The following GALNTL6 variants were observed in gnomAD, a reference collection of about 807,000 sequenced individuals.
GALNTL6 encodes the protein polypeptide N-acetylgalactosaminyltransferase like 6.
A neutral mutation model predicts 73.7 loss-of-function variants in GALNTL6; 46 were observed. That is an observed-to-expected ratio of 0.62 (90% CI 0.49 to 0.80). The LOEUF (loss-of-function observed/expected upper bound fraction) is 0.80, where lower values mean the gene tolerates loss of function less well. Ranked by LOEUF, GALNTL6 falls within the 30% of genes least tolerant of loss-of-function variation. The pLI is 0.00. For missense variants in GALNTL6, 604 were observed against 755.0 expected, an observed-to-expected ratio of 0.80 and a Z score of 2.34; for synonymous variants, 259 against 263.7, an observed-to-expected ratio of 0.98 and a Z score of 0.17.
chr4:171,955,147 T>C (rs1449621148), intron 2 of GALNTL6, among the ~76,000 whole-genome samples: 1 of 152,184 alleles, frequency 6.6e-6, no homozygotes, highest in African/African-American at 2.4e-5. Context: ...GGACCTCTTG[T>C]GTAAAAGAAA....
intron 5 of GALNTL6, among the ~76,000 whole-genome samples, chr4:172,369,524 G>T (rs1163157899): frequency 1.3e-5 from 2 of 152,212 alleles, no homozygotes; most frequent in Non-Finnish European, 2.9e-5. Flanking sequence ...GGAGCAGGGG[G>T]TGGCACCCGT....
intron 2 of GALNTL6, among the ~76,000 whole-genome samples, chr4:171,914,027 A>T (rs1401982020): frequency 6.6e-6 from 1 of 152,054 alleles, no homozygotes; most frequent in Non-Finnish European, 1.5e-5. Flanking sequence ...TCAATTCTGG[A>T]TTATTTCTCT....
intron 2 of GALNTL6, among the ~76,000 whole-genome samples, chr4:172,174,542 T>C (rs1413128947): frequency 6.6e-6 from 1 of 152,174 alleles, no homozygotes; most frequent in Admixed American, 6.6e-5. Flanking sequence ...ATATTAACTA[T>C]AGAAAAATAT....
At chr4:173,021,750 C>A in intron 12 of GALNTL6, 125 bp downstream of exon 12, 1 of 975,532 alleles carries the variant, frequency 1.0e-6, no homozygotes, top group Admixed American at 2.2e-5. Context: ...TCCTGGCACT[C>A]TGGGAGGTCG....
At chr4:172,421,975 A>T (rs946756034) in intron 5 of GALNTL6, among the ~76,000 whole-genome samples, 1 of 152,118 alleles carries the variant, frequency 6.6e-6, no homozygotes, top group African/African-American at 2.4e-5. Flanking sequence ...AAAAAATTAG[A>T]TGTCCTCAAA....
chr4:172,156,786 G>A (rs1358022593), intron 2 of GALNTL6, among the ~76,000 whole-genome samples: 2 of 151,658 alleles, frequency 1.3e-5, no homozygotes, highest in African/African-American at 2.4e-5. Flanking sequence ...ATGGGGTGCG[G>A]GGGAAGCCTC....
chr4:172,327,703 G>A (rs966975535), intron 4 of GALNTL6, among the ~76,000 whole-genome samples: 8 of 151,888 alleles, frequency 5.3e-5, no homozygotes, highest in Non-Finnish European at 1.2e-4. Context: ...TCTAAAATTC[G>A]CATTGCCACC....
At chr4:172,168,479 G>A (rs959371957) in intron 2 of GALNTL6, among the ~76,000 whole-genome samples, 3 of 152,084 alleles carry the variant, frequency 2.0e-5, no homozygotes, top group African/African-American at 7.2e-5. Flanking sequence ...ATCCAGTGCG[G>A]ATGATGATGA....
At chr4:171,912,958 C>T (rs778739576) in intron 2 of GALNTL6, among the ~76,000 whole-genome samples, 12 of 152,202 alleles carry the variant, frequency 7.9e-5, no homozygotes, top group South Asian at 4.1e-4. Context: ...TATTGATGGA[C>T]GCTTAGGTTA....
intron 5 of GALNTL6, among the ~76,000 whole-genome samples, chr4:172,402,053 T>C (rs888847055): frequency 1.1e-4 from 17 of 151,884 alleles, no homozygotes; most frequent in African/African-American, 4.1e-4. Flanking sequence ...GCATTCACCA[T>C]ACTTCTTACT....
intron 9 of GALNTL6, among the ~76,000 whole-genome samples, chr4:172,943,758 T>C (rs938915135): frequency 1.3e-5 from 2 of 152,164 alleles, no homozygotes; most frequent in African/African-American, 4.8e-5. Context: ...TCCTACAACT[T>C]AGCAACAACA....
At chr4:171,876,835 C>T (rs1461235030) in intron 2 of GALNTL6, among the ~76,000 whole-genome samples, 2 of 152,196 alleles carry the variant, frequency 1.3e-5, no homozygotes, top group Non-Finnish European at 2.9e-5. Flanking sequence ...TCGGAGGCAA[C>T]CAAGGGCTTA....
chr4:172,405,030 A>G (rs2111331171), intron 5 of GALNTL6, among the ~76,000 whole-genome samples: 1 of 152,188 alleles, frequency 6.6e-6, no homozygotes, highest in East Asian at 1.9e-4. Flanking sequence ...ACATCCTTCA[A>G]CATGTAATTA....
At chr4:172,374,333 G>A (rs1473720814) in intron 5 of GALNTL6, among the ~76,000 whole-genome samples, 4 of 152,162 alleles carry the variant, frequency 2.6e-5, no homozygotes, top group Non-Finnish European at 5.9e-5. Context: ...GAACACCGAG[G>A]TTGACAGGTT....
intron 2 of GALNTL6, among the ~76,000 whole-genome samples, chr4:171,969,670 C>T (rs1160177341): frequency 6.6e-6 from 1 of 152,112 alleles, no homozygotes; most frequent in Non-Finnish European, 1.5e-5. Context: ...TAGTCGTCAG[C>T]CTTGCCTTAA....
intron 8 of GALNTL6, among the ~76,000 whole-genome samples, chr4:172,897,150 C>T (rs1006326482): frequency 1.3e-5 from 2 of 152,184 alleles, no homozygotes; most frequent in African/African-American, 2.4e-5. Flanking sequence ...AGACTGAGCC[C>T]CCTCGGGGAG....
intron 2 of GALNTL6, among the ~76,000 whole-genome samples, chr4:172,176,135 C>A: frequency 6.6e-6 from 1 of 151,588 alleles, no homozygotes; most frequent in East Asian, 2.0e-4. Context: ...GTCAGGAGAT[C>A]GAGACCATCC....
intron 5 of GALNTL6, among the ~76,000 whole-genome samples, chr4:172,402,325 C>T (rs901225109): frequency 6.6e-6 from 1 of 151,928 alleles, no homozygotes; most frequent in African/African-American, 2.4e-5. Context: ...CTGGTAGGCT[C>T]AGCATTCTCT....
At position 172,723,864 on chromosome 4, in the gene GALNTL6, A is replaced by G. The variant is rs528630664; in HGVS notation, c.554-85497A>G. 2.3e-4 allele frequency among the ~76,000 whole-genome samples: 35 copies of G among 152,292 alleles called. 1 individual carries two copies. The highest frequency in any genetic ancestry group is 1.0e-3 in the South Asian group (5 of 4,830). On this transcript the variant is annotated intron_variant, in intron 5 of 12. Transcript: ENST00000506823. ...TGGCCTAACAAATTTTCTTCCAGAA[A>G]AAGAAATATATTTTTGAGCCACAAA... is the stretch of plus-strand genomic sequence containing the variant.
Sources: gnomAD v4.1 joint callset for allele counts (sites outside exome capture counted in the v4.1 genomes callset) on GRCh38, gnomAD v4.1.1 for gene constraint, MANE v1.5 for transcripts, NCBI Gene and HGNC (gene_info 2026-07-23, HGNC 2026-07-21) for gene names.